Variants in POU6F2 observed in about 807,000 individuals in gnomAD.
POU6F2 encodes the protein POU class 6 homeobox 2, also known as POU domain, class 6, transcription factor 2.
POU6F2 carries 31 observed loss-of-function variants against 71.3 expected under a neutral mutation model. The ratio of observed to expected loss-of-function variants is 0.43; its 90% confidence interval spans 0.33 to 0.59. POU6F2 has a LOEUF of 0.59. POU6F2 is among the 20% of genes least tolerant of loss of function. The probability of loss-of-function intolerance (pLI) is 0.04; values close to 1 mark genes in which losing one functional copy is unlikely to be tolerated. For synonymous variants in POU6F2, 347 were observed against 355.7 expected, an observed-to-expected ratio of 0.98 and a Z score of 0.27; for missense variants, 783 against 856.8, an observed-to-expected ratio of 0.91 and a Z score of 1.07.
intron 5 of POU6F2, among the ~76,000 whole-genome samples, chr7:39,387,350 C>T (rs1022734800): frequency 2.0e-5 from 3 of 152,182 alleles, no homozygotes; most frequent in Non-Finnish European, 4.4e-5. Flanking sequence ...TTGTCTAATA[C>T]GTGTGCATCC....
chr7:39,378,907 T>C (rs1786766219), intron 5 of POU6F2, among the ~76,000 whole-genome samples: 1 of 152,220 alleles, frequency 6.6e-6, no homozygotes. Context: ...ACGTTATAAC[T>C]GAATTATGTA....
chr7:39,157,037 G>T lies in POU6F2; in HGVS notation c.278-47198G>T, dbSNP rs915579305. Among the ~76,000 whole-genome samples, 10 of 152,250 alleles carry T rather than the reference G, an allele frequency of 6.6e-5. 1 individual carries two copies. The highest frequency in any genetic ancestry group is 6.2e-4 in the South Asian group (3 of 4,816). On this transcript the variant is annotated intron_variant, in intron 2 of 9. Transcript: ENST00000518318. Reference sequence around the variant, plus strand: ...CCTAGTGCCACCAGATATGTCTTTAGAACTTCTTTGTATTTATTGTAATCT... The same window carrying T: ...CCTAGTGCCACCAGATATGTCTTTATAACTTCTTTGTATTTATTGTAATCT...
chr7:39,349,151 G>A (rs543733067), intron 5 of POU6F2, among the ~76,000 whole-genome samples: 1 of 152,172 alleles, frequency 6.6e-6, no homozygotes, highest in Non-Finnish European at 1.5e-5. Context: ...GGTGAGAAAA[G>A]AGGGAAGGAA....
chr7:39,007,702 G>A (rs1026115446), intron 1 of POU6F2, among the ~76,000 whole-genome samples: 7 of 151,396 alleles, frequency 4.6e-5, no homozygotes, highest in African/African-American at 1.7e-4. Context: ...ACAGTCCCCA[G>A]AGTGTGATAT....
At chr7:39,399,988 A>G (rs1293994322) in intron 5 of POU6F2, among the ~76,000 whole-genome samples, 1 of 152,228 alleles carries the variant, frequency 6.6e-6, no homozygotes, top group Non-Finnish European at 1.5e-5. Context: ...TTCACCAAAG[A>G]GAAACTCTCC....
chr7:39,461,173 GACCTT>G (rs1788941658), intron 9 of POU6F2, among the ~76,000 whole-genome samples: 1 of 152,156 alleles, frequency 6.6e-6, no homozygotes, highest in Non-Finnish European at 1.5e-5. Context: ...ACTATCTTGT[GACCTT>G]GAAGGTTTTA....
In POU6F2 at chr7:39,142,408, G is replaced by A. The variant is rs144500811; in HGVS notation, c.277+56377G>A. On this transcript the variant is annotated intron_variant, in intron 2 of 9. Transcript: ENST00000518318. Reference sequence around the variant, plus strand: ...CAGGAGAGGTGGGTAATGAACTGCTGAAAATTGTTTACAAGCTTGTAGATG... The same window carrying A: ...CAGGAGAGGTGGGTAATGAACTGCTAAAAATTGTTTACAAGCTTGTAGATG... Among the ~76,000 whole-genome samples the A allele has an allele frequency of 1.8e-3, 279 of 152,276 alleles. 2 individuals carry two copies. Among genetic ancestry groups the A allele is most frequent in the African/African-American group, 6.1e-3 (253 of 41,566 alleles).
chr7:39,006,867 G>A (rs749663963), intron 1 of POU6F2: 4 of 1,613,458 alleles, frequency 2.5e-6, no homozygotes, highest in Non-Finnish European at 3.4e-6. Context: ...CTCTTCTTCA[G>A]GTATTTTGTT....
intron 5 of POU6F2, among the ~76,000 whole-genome samples, chr7:39,391,999 G>T (rs1471409431): frequency 1.3e-5 from 2 of 152,168 alleles, no homozygotes; most frequent in African/African-American, 4.8e-5. Context: ...AGAAGTCAAT[G>T]AACAGCCCAG....
At chr7:39,362,515 T>C (rs753358161) in intron 5 of POU6F2, among the ~76,000 whole-genome samples, 2 of 152,198 alleles carry the variant, frequency 1.3e-5, no homozygotes, top group Admixed American at 6.5e-5. Context: ...TTTTTCAGTT[T>C]CCTGATACCA....
At chr7:39,000,179 C>T (rs1054050088) in intron 1 of POU6F2, among the ~76,000 whole-genome samples, 13 of 152,126 alleles carry the variant, frequency 8.5e-5, no homozygotes, top group Non-Finnish European at 1.6e-4. Context: ...CAGGTGCCAG[C>T]AAGCATGTTT....
chr7:39,197,189 C>A (rs946795963), intron 2 of POU6F2, among the ~76,000 whole-genome samples: 2 of 152,342 alleles, frequency 1.3e-5, no homozygotes, highest in Non-Finnish European at 2.9e-5. Context: ...CCCCTGGAAG[C>A]CTCAGTGTGG....
intron 4 of POU6F2, among the ~76,000 whole-genome samples, chr7:39,301,656 G>A (rs760561692): frequency 2.0e-5 from 3 of 152,134 alleles, no homozygotes; most frequent in Non-Finnish European, 2.9e-5. Context: ...CTGACAGTCT[G>A]TCCCTCTATG....
At chr7:39,255,691 A>G (rs1784007426) in intron 4 of POU6F2, among the ~76,000 whole-genome samples, 1 of 152,242 alleles carries the variant, frequency 6.6e-6, no homozygotes, top group South Asian at 2.1e-4. Context: ...TAAGCCGTCT[A>G]ACTTTAGAAG....
chr7:39,311,102 T>C (rs931095458), intron 4 of POU6F2, among the ~76,000 whole-genome samples: 3 of 151,906 alleles, frequency 2.0e-5, no homozygotes, highest in Non-Finnish European at 4.4e-5. Flanking sequence ...GGTTACCAAG[T>C]GGCTGTCTCC....
intron 5 of POU6F2, among the ~76,000 whole-genome samples, chr7:39,373,312 G>A (rs1249171554): frequency 4.6e-5 from 7 of 152,158 alleles, no homozygotes; most frequent in Admixed American, 2.6e-4. Flanking sequence ...GACGCTGAGC[G>A]GTTTCCACAG....
chr7:39,050,319 G>A (rs117184535), intron 1 of POU6F2, among the ~76,000 whole-genome samples: 12 of 152,130 alleles, frequency 7.9e-5, no homozygotes, highest in East Asian at 1.9e-4. Flanking sequence ...AAAATCTCCC[G>A]CTGAGTTGAT....
At chr7:39,181,154 A>G (rs985610143) in intron 2 of POU6F2, among the ~76,000 whole-genome samples, 4 of 152,014 alleles carry the variant, frequency 2.6e-5, no homozygotes, top group Non-Finnish European at 4.4e-5. Flanking sequence ...GAGACTGTTC[A>G]CTCGTGTCCA....
At chr7:39,126,653 G>A (rs917004703) in intron 2 of POU6F2, among the ~76,000 whole-genome samples, 2 of 152,098 alleles carry the variant, frequency 1.3e-5, no homozygotes, top group Non-Finnish European at 2.9e-5. Context: ...AACAAAGATG[G>A]TCCAAATTCT....
Sources: gnomAD v4.1 joint callset for allele counts (sites outside exome capture counted in the v4.1 genomes callset) on GRCh38, gnomAD v4.1.1 for gene constraint, MANE v1.5 for transcripts, NCBI Gene and HGNC (gene_info 2026-07-23, HGNC 2026-07-21) for gene names.